LYPD6B: variants seen among roughly 807,000 people sequenced by gnomAD.
LYPD6B encodes ly6/PLAUR domain-containing protein 6B.
In LYPD6B, 17 loss-of-function variants were observed where a neutral mutation model predicts 22.8. That is an observed-to-expected ratio of 0.75 (90% CI 0.51 to 1.12). The LOEUF (loss-of-function observed/expected upper bound fraction) is 1.12, where lower values mean the gene tolerates loss of function less well. Among genes scored for constraint, LYPD6B ranks in the 50% most tolerant of loss-of-function variants. The pLI is 0.00. For synonymous variants in LYPD6B, 106 were observed against 91.6 expected, an observed-to-expected ratio of 1.16 and a Z score of -0.90; for missense variants, 221 against 258.3, an observed-to-expected ratio of 0.86 and a Z score of 0.99.
At chr2:149,100,791 A>G (rs552197767) in intron 1 of LYPD6B, among the ~76,000 whole-genome samples, 4 of 152,336 alleles carry the variant, frequency 2.6e-5, no homozygotes, top group African/African-American at 9.6e-5. Context: ...TATGTTTTAG[A>G]ATCCTCTTTT....
chr2:149,191,169 A>G (rs1559067600), intron 3 of LYPD6B, among the ~76,000 whole-genome samples: 1 of 152,090 alleles, frequency 6.6e-6, no homozygotes, highest in Non-Finnish European at 1.5e-5. Flanking sequence ...CTTAGAGCAA[A>G]CTCCAGATAT....
chr2:149,172,797 C>T lies in LYPD6B; in HGVS notation c.77+11962C>T, dbSNP rs1014370207. Among the ~76,000 whole-genome samples, 21 of 152,110 alleles carry T rather than the reference C, an allele frequency of 1.4e-4. No individual in the cohort carries two copies. In the East Asian group the frequency reaches 3.9e-3, roughly 28 times the overall value. On this transcript the variant is annotated intron_variant, in intron 3 of 6. Transcript: ENST00000409642. ...GGAGGATTGAATTAGCTCTCTCTGC[C>T]TGACTGCTTGAGCTGAGACATGGAT...
chr2:149,097,752 A>C (rs1163826881), intron 1 of LYPD6B, among the ~76,000 whole-genome samples: 4 of 152,244 alleles, frequency 2.6e-5, no homozygotes, highest in South Asian at 2.1e-4. Context: ...GTTACAGAGT[A>C]GGCAATAAAA....
At chr2:149,082,708 A>G (rs749238282) in intron 1 of LYPD6B, among the ~76,000 whole-genome samples, 4 of 152,214 alleles carry the variant, frequency 2.6e-5, no homozygotes, top group Non-Finnish European at 5.9e-5. Flanking sequence ...GCATGTAATG[A>G]GTACTGAAGA....
intron 1 of LYPD6B, among the ~76,000 whole-genome samples, chr2:149,120,278 G>C (rs932002439): frequency 6.2e-5 from 9 of 144,712 alleles, no homozygotes; most frequent in Non-Finnish European, 8.9e-5. Context: ...CTAACTTTTA[G>C]GGACATGCAT....
intron 2 of LYPD6B, among the ~76,000 whole-genome samples, chr2:149,159,107 T>G (rs1689886116): frequency 6.6e-6 from 1 of 152,150 alleles, no homozygotes; most frequent in Non-Finnish European, 1.5e-5. Context: ...TGGTGTCGTA[T>G]TTCATGTTGT....
intron 1 of LYPD6B, among the ~76,000 whole-genome samples, chr2:149,054,291 G>C (rs532626253): frequency 6.6e-6 from 1 of 152,054 alleles, no homozygotes; most frequent in Non-Finnish European, 1.5e-5. Context: ...TAGTCATTCT[G>C]GTAGGTGTGA....
At chr2:149,069,246 T>A (rs747266966) in intron 1 of LYPD6B, among the ~76,000 whole-genome samples, 5 of 152,134 alleles carry the variant, frequency 3.3e-5, no homozygotes, top group Non-Finnish European at 7.3e-5. Flanking sequence ...TCATAACTTT[T>A]TTTTACATTT....
At chr2:149,191,684 T>C (rs1042606538) in intron 3 of LYPD6B, among the ~76,000 whole-genome samples, 1 of 152,204 alleles carries the variant, frequency 6.6e-6, no homozygotes, top group Non-Finnish European at 1.5e-5. Context: ...AATTATAATT[T>C]ACAATGCAGC....
At chr2:149,130,475 T>C (rs1687957595) in intron 1 of LYPD6B, among the ~76,000 whole-genome samples, 2 of 152,188 alleles carry the variant, frequency 1.3e-5, no homozygotes, top group African/African-American at 4.8e-5. Flanking sequence ...AATTCTGTTT[T>C]ATACCTGGAG....
rs536246059 is a variant in LYPD6B, at chr2:149,139,045, T to C, written c.5+8092T>C. ...TAAATCTTAATAACTCATTCATTCA[T>C]TTATTCAATGAGGATACATGGAAAC... On this transcript the variant is annotated intron_variant, in intron 2 of 6. Coordinates refer to ENST00000409642, the MANE Select transcript of LYPD6B (RefSeq NM_177964.5). 7.2e-5 allele frequency among the ~76,000 whole-genome samples: 11 copies of C among 152,368 alleles called. No individual in the cohort carries two copies. In the South Asian group the frequency reaches 2.1e-3, roughly 29 times the overall value.
In LYPD6B at chr2:149,208,325, C is replaced by T. The variant is rs767503379; in HGVS notation, c.241C>T (p.Pro81Ser). ...TTTTTTCTTTAAAGCTACACCATTT[C>T]CAAATAGCTTCAAGTGCTTTACTTG... The part of the protein sequence containing the change: ...VRPPLDPTPF[P>S]NSFKCFTCEN... Residue 81 changes from proline (P) to serine (S), a missense_variant, in exon 5 of 7, where the codon CCA becomes TCA. Transcript: ENST00000409642. 6.2e-7 allele frequency: 1 copy of T among 1,613,400 alleles called. No individual in the cohort carries two copies. The highest frequency in any genetic ancestry group is 2.2e-5 in the East Asian group (1 of 44,866).
At chr2:149,196,962 C>T (rs762282904) in intron 3 of LYPD6B, among the ~76,000 whole-genome samples, 9 of 152,166 alleles carry the variant, frequency 5.9e-5, no homozygotes, top group East Asian at 1.9e-4. Flanking sequence ...CAACCAATGT[C>T]GAGTAATGGA....
At chr2:149,075,365 C>T (rs1444859217) in intron 1 of LYPD6B, among the ~76,000 whole-genome samples, 1 of 150,362 alleles carries the variant, frequency 6.7e-6, no homozygotes, top group Non-Finnish European at 1.5e-5. Flanking sequence ...TTAGATGGGT[C>T]TATATGTTTA....
intron 1 of LYPD6B, among the ~76,000 whole-genome samples, chr2:149,056,948 T>C: frequency 6.6e-6 from 1 of 152,198 alleles, no homozygotes; most frequent in South Asian, 2.1e-4. Context: ...TGTTCAACTT[T>C]CTTTGTAAAG....
intron 1 of LYPD6B, among the ~76,000 whole-genome samples, chr2:149,071,778 TCAAAGAGC>T (rs1196891600): frequency 6.6e-6 from 1 of 152,106 alleles, no homozygotes; most frequent in African/African-American, 2.4e-5. Flanking sequence ...GACCAGGGAA[TCAAAGAGC>T]CACGAAGGAA....
intron 2 of LYPD6B, among the ~76,000 whole-genome samples, chr2:149,157,418 A>G (rs1479122152): frequency 2.0e-5 from 3 of 152,192 alleles, no homozygotes; most frequent in African/African-American, 7.2e-5. Flanking sequence ...ACTGAACACA[A>G]AAGTAGTGAA....
intron 1 of LYPD6B, among the ~76,000 whole-genome samples, chr2:149,109,120 G>C (rs1686636891): frequency 1.3e-5 from 2 of 152,090 alleles, no homozygotes; most frequent in Admixed American, 1.3e-4. Context: ...TATCTATGTG[G>C]TTACAATTTC....
chr2:149,205,257 A>G lies in LYPD6B; in HGVS notation c.82A>G (p.Lys28Glu). The change falls in exon 4 of 7, where the codon AAG becomes GAG. Residue 28 changes from lysine to glutamate, a missense_variant. Lys to Glu is a moderately conservative substitution (Grantham distance 56). Transcript: ENST00000409642. ...CAGTGTGTCTTTTCACCATAGATAT[A>G]AGAGTTCGGACCGCCCAGCACACAA... ...LTTTFSFSRY[K>E]SSDRPAHKVS... 1.2e-6 allele frequency: 2 copies of G among 1,609,962 alleles called. No individual in the cohort carries two copies. The highest frequency in any genetic ancestry group is 2.2e-5 in the South Asian group (2 of 90,166).
Sources: gnomAD v4.1 joint callset for allele counts (sites outside exome capture counted in the v4.1 genomes callset) on GRCh38, gnomAD v4.1.1 for gene constraint, MANE v1.5 for transcripts, NCBI Gene and HGNC (gene_info 2026-07-23, HGNC 2026-07-21) for gene names.